Variants in DSG1 observed in about 807,000 individuals in gnomAD.
DSG1 encodes the protein desmoglein-1.
In DSG1, 39 loss-of-function variants were observed where a neutral mutation model predicts 97.5. The ratio of observed to expected loss-of-function variants is 0.40; its 90% CI spans 0.31 to 0.52. DSG1 has a LOEUF of 0.52. Ranked by LOEUF, DSG1 falls within the 20% of genes least tolerant of loss-of-function variation. The pLI, the probability that DSG1 is intolerant of heterozygous loss-of-function variation, is 0.53. For synonymous variants in DSG1, 475 were observed against 443.4 expected (o/e 1.07, Z -0.90); for missense variants, 1,311 against 1,295.4 (o/e 1.01, Z -0.18).
At chr18:31,334,948 C>T (rs1486745629) in intron 8 of DSG1, among the ~76,000 whole-genome samples, 1 of 152,102 alleles carries the variant, frequency 6.6e-6, no homozygotes, top group Non-Finnish European at 1.5e-5. Flanking sequence ...TCTACAACAG[C>T]TGTTTATGGA....
At chr18:31,333,885 G>T in intron 7 of DSG1, 132 bp from the exon 8 acceptor site, 1 of 1,154,448 alleles carries the variant, frequency 8.7e-7, no homozygotes, top group Non-Finnish European at 1.3e-6. Flanking sequence ...ATGGAGTTAA[G>T]CAATGAAAAA....
chr18:31,327,089 C>T, intron 3 of DSG1, 84 bp downstream of exon 3: 2 of 1,537,536 alleles, frequency 1.3e-6, no homozygotes, highest in Non-Finnish European at 1.8e-6. Context: ...ATTTCATGAA[C>T]ATGTCTCACC....
At chr18:31,352,016 T>C (rs2144121847) in intron 14 of DSG1, among the ~76,000 whole-genome samples, 1 of 151,922 alleles carries the variant, frequency 6.6e-6, no homozygotes, top group East Asian at 1.9e-4. Context: ...GTCATGATGA[T>C]GTTAGCTGGT....
At chr18:31,324,145 A>G (rs1360829925) in intron 1 of DSG1, among the ~76,000 whole-genome samples, 3 of 151,538 alleles carry the variant, frequency 2.0e-5, no homozygotes, top group Non-Finnish European at 1.5e-5. Context: ...CACGACGCCC[A>G]GCTAATTTTT....
rs1295626703 is a variant in DSG1 at position 31,327,009 on chromosome 18, G to A, written c.216+4G>A. 2.9e-5 allele frequency: 47 copies of A among 1,613,476 alleles called. No individual in the cohort carries two copies. Among genetic ancestry groups the A allele is most frequent in the Non-Finnish European group, 4.0e-5 (47 of 1,179,712 alleles). ...AAAGAGGAACCCAATCGCCAAAGTA[G>A]GTATCAACTCCAAAGCATAACATTG... is the stretch of plus-strand genomic sequence containing the variant. On this transcript the variant is annotated splice_donor_region_variant and intron_variant, in intron 3 of 14. Coordinates refer to ENST00000257192, the MANE Select transcript of DSG1 (RefSeq NM_001942.4).
rs372926981 is a variant in DSG1, at chr18:31,319,567, T to C, written c.48+1219T>C. On this transcript the variant is annotated intron_variant, in intron 1 of 14. Coordinates refer to ENST00000257192, the MANE Select transcript of DSG1 (RefSeq NM_001942.4). Reference sequence around the variant, plus strand: ...TCAGTTGATTTCATTACTTAGGATTTGGTAGGGATCACTGATCATTATACA... The same window carrying C: ...TCAGTTGATTTCATTACTTAGGATTCGGTAGGGATCACTGATCATTATACA... Among the ~76,000 whole-genome samples the C allele has an allele frequency of 1.5e-4, 23 of 152,238 alleles. No homozygotes were observed. The East Asian group carries it at 1.9e-3, about 13-fold the overall frequency.
At chr18:31,347,439 A>G (rs531524882) in intron 14 of DSG1, among the ~76,000 whole-genome samples, 6 of 152,050 alleles carry the variant, frequency 3.9e-5, no homozygotes, top group Admixed American at 6.6e-5. Flanking sequence ...TGTCTGTCTC[A>G]CTCACCCAAA....
Position 31,355,256 on chromosome 18 carries a change from C to A in DSG1, c.3060C>A (p.Asp1020Glu), listed in dbSNP as rs1598720489. The stretch of plus-strand genomic sequence containing the variant: ...TTGGCCACATGAGGAGTTCCTCTGA[C>A]CATCACTTTAACCAAACCATTGGGT... ...ASIGHMRSSS[D>E]HHFNQTIGSA... Residue 1020 changes from aspartate to glutamate, a missense_variant, in exon 15 of 15, where the codon GAC becomes GAA. Transcript: ENST00000257192. The A allele has an allele frequency of 6.2e-7, 1 of 1,612,400 alleles. No individual in the cohort carries two copies. Among genetic ancestry groups the A allele is most frequent in the East Asian group, 2.2e-5 (1 of 44,844 alleles).
intron 5 of DSG1, among the ~76,000 whole-genome samples, chr18:31,331,458 C>T (rs1259787229): frequency 1.3e-5 from 2 of 151,996 alleles, no homozygotes; most frequent in African/African-American, 4.8e-5. Flanking sequence ...GCCAGAATAA[C>T]ACATTTCCTT....
At chr18:31,351,610 C>G (rs1266029850) in intron 14 of DSG1, among the ~76,000 whole-genome samples, 1 of 151,672 alleles carries the variant, frequency 6.6e-6, no homozygotes, top group Non-Finnish European at 1.5e-5. Context: ...GTCTAAGTCT[C>G]TTTGTAGGTC....
chr18:31,319,441 G>C (rs951923406), intron 1 of DSG1, among the ~76,000 whole-genome samples: 4 of 152,150 alleles, frequency 2.6e-5, no homozygotes, highest in African/African-American at 9.7e-5. Context: ...ATAATCAGTG[G>C]ATTTAGTTAT....
chr18:31,338,509 A>C, intron 10 of DSG1, 55 bp downstream of exon 10: 1 of 1,574,294 alleles, frequency 6.4e-7, no homozygotes, highest in Non-Finnish European at 8.7e-7. Flanking sequence ...ATATACCTTA[A>C]GATATTAACA....
intron 14 of DSG1, 80 bp from the exon 15 acceptor site, chr18:31,354,217 A>G (rs2071929986): frequency 7.7e-7 from 1 of 1,292,830 alleles, no homozygotes; most frequent in African/African-American, 1.5e-5. Context: ...GCTCTGGAAG[A>G]AAAACTAATG....
intron 14 of DSG1, among the ~76,000 whole-genome samples, chr18:31,350,723 C>A (rs1393969055): frequency 6.6e-6 from 1 of 150,794 alleles, no homozygotes; most frequent in Non-Finnish European, 1.5e-5. Flanking sequence ...AAGAATTTAT[C>A]CATTTCTTCT....
Position 31,355,417 on chromosome 18 carries a change from A to C in DSG1, c.*71A>C. The C allele has an allele frequency of 3.5e-6, 5 of 1,444,052 alleles. No homozygotes were observed. The highest frequency in any genetic ancestry group is 3.9e-6 in the Non-Finnish European group (4 of 1,038,138). The allele number at this position is 1,444,052 out of a possible 1,614,324, so 89.5% of individuals were successfully genotyped here. ...AATTCCCACCACTAAAAAACCAACA[A>C]TGTGATTTATAACGCACAACTTCGT... On this transcript the variant is annotated 3_prime_UTR_variant, in exon 15 of 15. Transcript: ENST00000257192.
chr18:31,331,466 C>A (rs1021341152), intron 5 of DSG1, among the ~76,000 whole-genome samples: 2 of 151,964 alleles, frequency 1.3e-5, no homozygotes, highest in African/African-American at 4.8e-5. Context: ...AACACATTTC[C>A]TTTGTTTCCC....
In DSG1 at chr18:31,346,039, A is replaced by C. The variant is rs747592931; in HGVS notation, c.1941A>C (p.Gly647=). 1 of 1,613,938 alleles carries C rather than the reference A, an allele frequency of 6.2e-7. No homozygotes were observed. The highest frequency in any genetic ancestry group is 1.3e-5 in the African/African-American group (1 of 75,042). Residue 647 remains glycine, a synonymous_variant, in exon 14 of 15, where the codon GGA becomes GGC. Transcript: ENST00000257192. The part of the protein sequence containing the change: ...YGGREMQDLG[G]GERMTGFELT... ...GCAGAGAAATGCAAGATCTGGGAGG[A>C]GGAGAGAGAATGACAGGATTTGAAC...
chr18:31,340,313 G>A lies in DSG1; in HGVS notation c.1687+288G>A, dbSNP rs8095423. ...ATTTCAGTGAAGAAGACAATCAGAA[G>A]AGGCTACAGAGGGCGGGGTGTGGTG... On this transcript the variant is annotated intron_variant, in intron 11 of 14. Transcript: ENST00000257192. 0.66 allele frequency among the ~76,000 whole-genome samples: 100,044 copies of A among 151,394 alleles called. 35,565 individuals are homozygous for A. Among genetic ancestry groups the A allele is most frequent in the African/African-American group, 0.91 (37,500 of 41,304 alleles).
chr18:31,343,633 T>G (rs968425797), intron 12 of DSG1, 50 bp downstream of exon 12: 4 of 1,613,584 alleles, frequency 2.5e-6, no homozygotes, highest in Non-Finnish European at 3.4e-6. Context: ...TGAAATTCAG[T>G]CTTTACACAT....
Sources: allele counts gnomAD v4.1 joint callset (sites outside exome capture counted in the v4.1 genomes callset), GRCh38; gene constraint gnomAD v4.1.1; transcripts MANE v1.5; gene names NCBI Gene and HGNC (gene_info 2026-07-23, HGNC 2026-07-21).